The following SLC25A48 variants were observed in gnomAD, a reference collection of about 807,000 sequenced individuals.
SLC25A48 encodes the protein solute carrier family 25 member 48.
SLC25A48 carries 29 observed loss-of-function variants against 32.2 expected under a neutral mutation model. The observed-to-expected ratio is 0.90, with a 90% CI of 0.67 to 1.23. The LOEUF (loss-of-function observed/expected upper bound fraction) is 1.23, where lower values mean the gene tolerates loss of function less well. Among genes scored for constraint, SLC25A48 ranks in the 50% most tolerant of loss-of-function variants. SLC25A48 has a pLI of 0.00. For synonymous variants in SLC25A48, 164 were observed against 172.3 expected, an observed-to-expected ratio of 0.95 and a Z score of 0.38; for missense variants, 399 against 422.7, an observed-to-expected ratio of 0.94 and a Z score of 0.49.
At chr5:135,815,371 G>A (rs982082528) in intron 4 of SLC25A48, among the ~76,000 whole-genome samples, 2 of 152,236 alleles carry the variant, frequency 1.3e-5, no homozygotes, top group Non-Finnish European at 2.9e-5. Context: ...TCTGACGGGA[G>A]GTGGAGCTCA....
chr5:135,765,895 T>A (rs887252313), intron 3 of SLC25A48, among the ~76,000 whole-genome samples: 2 of 144,810 alleles, frequency 1.4e-5, no homozygotes, highest in Admixed American at 6.9e-5. Context: ...TACACCCTCC[T>A]GTGTTATGGT....
At chr5:135,865,787 G>A (rs533734366) in intron 4 of SLC25A48, among the ~76,000 whole-genome samples, 5 of 152,274 alleles carry the variant, frequency 3.3e-5, no homozygotes, top group Admixed American at 1.3e-4. Flanking sequence ...TTCTAAGAGC[G>A]CCTTGTTAAT....
chr5:135,727,938 G>C (rs778378722), intron 3 of SLC25A48, among the ~76,000 whole-genome samples: 1 of 152,112 alleles, frequency 6.6e-6, no homozygotes, highest in African/African-American at 2.4e-5. Context: ...GATTTTGATA[G>C]AAATTTTGTG....
intron 2 of SLC25A48, 69 bp downstream of exon 2, chr5:135,842,528 C>T (rs1759095232): frequency 6.9e-7 from 1 of 1,449,686 alleles, no homozygotes. Flanking sequence ...TGGGACTATT[C>T]CTGCTGTTTC....
chr5:135,698,955 T>C (rs1251899385), intron 3 of SLC25A48, among the ~76,000 whole-genome samples: 1 of 152,202 alleles, frequency 6.6e-6, no homozygotes, highest in Non-Finnish European at 1.5e-5. Context: ...AGATCATTAG[T>C]CATCAGGGAA....
At chr5:135,699,251 C>T (rs566636407) in intron 3 of SLC25A48, among the ~76,000 whole-genome samples, 10 of 152,186 alleles carry the variant, frequency 6.6e-5, no homozygotes, top group South Asian at 4.2e-4. Flanking sequence ...TTATAATAGC[C>T]GGAAGCTGGA....
At chr5:135,852,447 C>A (rs971215519) in intron 3 of SLC25A48, 116 bp from the exon 4 acceptor site, 5 of 1,296,534 alleles carry the variant, frequency 3.9e-6, no homozygotes, top group Non-Finnish European at 5.3e-6. Context: ...GCACCCTCTT[C>A]CCCTCTCTTC....
At chr5:135,581,453 A>T (rs1751232728) in intron 1 of SLC25A48, among the ~76,000 whole-genome samples, 1 of 152,248 alleles carries the variant, frequency 6.6e-6, no homozygotes, top group Non-Finnish European at 1.5e-5. Context: ...AAAAAAATAT[A>T]TTTTATGCTG....
At chr5:135,779,816 A>G (rs1364132102) in intron 3 of SLC25A48, among the ~76,000 whole-genome samples, 1 of 116,774 alleles carries the variant, frequency 8.6e-6, no homozygotes, top group African/African-American at 2.6e-5. Flanking sequence ...CAATATCGCA[A>G]GGGGTGTACA....
chr5:135,676,091 A>G lies in SLC25A48; in HGVS notation c.-521+41135A>G, dbSNP rs150900751. 1.6e-4 allele frequency among the ~76,000 whole-genome samples: 24 copies of G among 151,940 alleles called. No homozygotes were observed. The East Asian group carries it at 4.4e-3, about 28-fold the overall frequency. ...CATTACTGAATTTATTACATCTAAG[A>G]GTTTTTTGGTGGACTCTTTAGGTAT... On this transcript the variant is annotated intron_variant, in intron 3 of 10. Transcript: ENST00000646290.
At chr5:135,801,964 G>T (rs75113025) in intron 3 of SLC25A48, among the ~76,000 whole-genome samples, 2,028 of 151,824 alleles carry the variant, frequency 0.013, 47 homozygotes, top group African/African-American at 0.045. Flanking sequence ...ATTGCAGTGG[G>T]TGTACACCCC....
chr5:135,778,124 T>G (rs1310853572), intron 3 of SLC25A48, among the ~76,000 whole-genome samples: 2 of 151,594 alleles, frequency 1.3e-5, no homozygotes, highest in African/African-American at 4.9e-5. Flanking sequence ...ACTCCCAATA[T>G]AGCAGGGGGT....
intron 3 of SLC25A48, among the ~76,000 whole-genome samples, chr5:135,793,173 C>T (rs918677842): frequency 2.0e-5 from 3 of 151,446 alleles, no homozygotes; most frequent in Non-Finnish European, 3.0e-5. Flanking sequence ...ATGTTATTCT[C>T]CTAATATTAC....
chr5:135,636,259 CAG>C (rs1453418545), intron 3 of SLC25A48, among the ~76,000 whole-genome samples: 1 of 152,136 alleles, frequency 6.6e-6, no homozygotes, highest in Admixed American at 6.5e-5. Context: ...TGTGGGGAAA[CAG>C]TGAGTGAGGC....
At chr5:135,875,017 G>A (rs1021466502) in intron 6 of SLC25A48, 11 of 345,192 alleles carry the variant, frequency 3.2e-5, no homozygotes, top group Admixed American at 1.9e-4. Flanking sequence ...TGAAGGGCGG[G>A]GCATTTGTGG....
intron 3 of SLC25A48, among the ~76,000 whole-genome samples, chr5:135,715,691 T>G (rs1327799368): frequency 6.6e-6 from 1 of 152,218 alleles, no homozygotes; most frequent in African/African-American, 2.4e-5. Flanking sequence ...ACAAATTTCT[T>G]AAACTACTAA....
At chr5:135,779,822 G>A (rs1483626440) in intron 3 of SLC25A48, among the ~76,000 whole-genome samples, 4 of 116,992 alleles carry the variant, frequency 3.4e-5, no homozygotes, top group African/African-American at 1.0e-4. Context: ...CGCAAGGGGT[G>A]TACACCTTCC....
Position 135,781,213 on chromosome 5 carries a change from C to T in SLC25A48, c.-520-31310C>T, listed in dbSNP as rs145939064. 6.9e-5 allele frequency among the ~76,000 whole-genome samples: 8 copies of T among 116,480 alleles called. 2 individuals carry two copies. In the East Asian group the frequency reaches 1.7e-3, roughly 25 times the overall value. 76.4% of individuals were successfully genotyped at this position (116,480 alleles called of 152,430 possible). ...CAATATCACAGGCGATGTACACCCC[C>T]GCTGTGATATTGTTTCTAATATCCA... On this transcript the variant is annotated intron_variant, in intron 3 of 10. Coordinates refer to the SLC25A48 transcript ENST00000646290.
At chr5:135,789,625 G>A (rs1756968601) in intron 3 of SLC25A48, among the ~76,000 whole-genome samples, 1 of 151,714 alleles carries the variant, frequency 6.6e-6, no homozygotes, top group Non-Finnish European at 1.5e-5. Context: ...TCCCCATGTG[G>A]CGGGGGGTGT....
Sources: gnomAD v4.1 joint callset for allele counts (sites outside exome capture counted in the v4.1 genomes callset) on GRCh38, gnomAD v4.1.1 for gene constraint, MANE v1.5 for transcripts, NCBI Gene and HGNC (gene_info 2026-07-23, HGNC 2026-07-21) for gene names.